MIGA1: variants seen among roughly 807,000 people sequenced by gnomAD.
The protein encoded by MIGA1 is mitoguardin 1.
In MIGA1, 58 loss-of-function variants were observed where a neutral mutation model predicts 82.0. That is an observed-to-expected ratio of 0.71 (90% CI 0.57 to 0.88). The LOEUF (loss-of-function observed/expected upper bound fraction) is 0.88, where lower values mean the gene tolerates loss of function less well. Among genes scored for constraint, MIGA1 ranks in the 40% least tolerant of loss-of-function variants. The probability of loss-of-function intolerance (pLI) is 0.00; values close to 1 mark genes in which losing one functional copy is unlikely to be tolerated. For synonymous variants in MIGA1, 249 were observed against 253.6 expected, an observed-to-expected ratio of 0.98 and a Z score of 0.17; for missense variants, 751 against 749.1, an observed-to-expected ratio of 1.00 and a Z score of -0.03.
intron 8 of MIGA1, chr1:77,853,241 GC>G (rs1346434836): frequency 1.3e-5 from 2 of 152,172 alleles, no homozygotes; most frequent in Admixed American, 1.3e-4. Context: ...AAGTAAAATG[GC>G]TGAATCTCCA....
At chr1:77,806,705 G>A in intron 4 of MIGA1, among the ~76,000 whole-genome samples, 1 of 152,130 alleles carries the variant, frequency 6.6e-6, no homozygotes, top group East Asian at 1.9e-4. Flanking sequence ...AAGAATAAAT[G>A]ATATAAACAT....
intron 7 of MIGA1, among the ~76,000 whole-genome samples, chr1:77,832,024 T>C (rs891831157): frequency 2.0e-5 from 3 of 152,240 alleles, no homozygotes; most frequent in African/African-American, 7.2e-5. Flanking sequence ...TTGGGCTTCA[T>C]ATTTTGTGTA....
intron 8 of MIGA1, among the ~76,000 whole-genome samples, chr1:77,846,412 A>G (rs987627050): frequency 6.6e-6 from 1 of 152,068 alleles, no homozygotes; most frequent in African/African-American, 2.4e-5. Context: ...TGTAGATTCC[A>G]TTTTTTATAG....
intron 7 of MIGA1, among the ~76,000 whole-genome samples, chr1:77,828,231 A>C (rs1684105068): frequency 6.6e-6 from 1 of 152,170 alleles, no homozygotes; most frequent in Non-Finnish European, 1.5e-5. Context: ...CAGTGTCTGA[A>C]ACTGGTTTGA....
intron 15 of MIGA1, among the ~76,000 whole-genome samples, chr1:77,873,618 A>C (rs1646867854): frequency 6.6e-6 from 1 of 152,246 alleles, no homozygotes; most frequent in Non-Finnish European, 1.5e-5. Context: ...CAGCAGTTTT[A>C]GTTTGCCAAA....
rs2101999244 is a variant in MIGA1, at chr1:77,878,736, G to A, written c.*3672G>A. 2 of 382,874 alleles carry A rather than the reference G, an allele frequency of 5.2e-6. No individual in the cohort carries two copies. The highest frequency in any genetic ancestry group is 2.6e-4 in the South Asian group (2 of 7,654). The allele number at this position is 382,874 out of a possible 1,614,324, so 23.7% of individuals were successfully genotyped here. A position where few individuals can be genotyped will look rare whatever the true frequency, so the allele number is the denominator to read the frequency against. ...TCCCTACATTTTTGTTCAACTAAGA[G>A]TGCTTATTTCTTCTTGAAGGTTAAC... On this transcript the variant is annotated 3_prime_UTR_variant, in exon 16 of 16. Transcript: ENST00000370791.
chr1:77,799,074 AT>A (rs943277255), intron 2 of MIGA1, among the ~76,000 whole-genome samples: 17 of 152,208 alleles, frequency 1.1e-4, no homozygotes, highest in Middle Eastern at 6.8e-3. Context: ...TTATTTATAT[AT>A]TTTTTAATAT....
At chr1:77,782,422 G>T (rs1681961883) in intron 1 of MIGA1, among the ~76,000 whole-genome samples, 1 of 152,056 alleles carries the variant, frequency 6.6e-6, no homozygotes, top group Non-Finnish European at 1.5e-5. Context: ...TGTTTTGATA[G>T]AATATGTACA....
intron 8 of MIGA1, among the ~76,000 whole-genome samples, chr1:77,844,408 G>A (rs887187235): frequency 6.6e-5 from 10 of 151,794 alleles, no homozygotes; most frequent in African/African-American, 9.7e-5. Context: ...ACAAACGTGC[G>A]TGATATATAA....
intron 2 of MIGA1, among the ~76,000 whole-genome samples, chr1:77,789,899 A>T (rs1392945345): frequency 6.6e-6 from 1 of 152,200 alleles, no homozygotes; most frequent in African/African-American, 2.4e-5. Context: ...TACAGTGAAT[A>T]GTTGTGAGAA....
chr1:77,794,778 G>C (rs1424415788), intron 2 of MIGA1, among the ~76,000 whole-genome samples: 1 of 152,136 alleles, frequency 6.6e-6, no homozygotes, highest in Non-Finnish European at 1.5e-5. Flanking sequence ...GCTAGCCTGG[G>C]CAACAGAGCG....
chr1:77,807,714 T>A (rs1183911863), intron 5 of MIGA1, among the ~76,000 whole-genome samples: 1 of 152,200 alleles, frequency 6.6e-6, no homozygotes, highest in East Asian at 1.9e-4. Flanking sequence ...CTCTTCCAGC[T>A]TTTGGTGGCT....
chr1:77,789,201 CTTTT>C (rs148055304), intron 2 of MIGA1, among the ~76,000 whole-genome samples: 1 of 108,858 alleles, frequency 9.2e-6, no homozygotes, highest in African/African-American at 3.5e-5. Context: ...GGGGCGGTTG[CTTTT>C]TTTTTTTTTT....
rs147877859 is a variant in MIGA1, at chr1:77,808,099, C to T, written c.637+998C>T. ...TCTCCTAAAGTGCTGGGATTACAGG[C>T]GTGAGCCACCTCACCCAGCCACCTT... is the stretch of plus-strand genomic sequence containing the variant. On this transcript the variant is annotated intron_variant, in intron 5 of 15. Coordinates refer to ENST00000370791, the MANE Select transcript of MIGA1 (RefSeq NM_198549.4). Among the ~76,000 whole-genome samples, 278 of 150,650 alleles carry T rather than the reference C, an allele frequency of 1.8e-3. 3 individuals carry two copies. Among genetic ancestry groups the T allele is most frequent in the African/African-American group, 6.4e-3 (261 of 41,100 alleles).
At chr1:77,830,200 A>G (rs979590829) in intron 7 of MIGA1, among the ~76,000 whole-genome samples, 7 of 152,020 alleles carry the variant, frequency 4.6e-5, no homozygotes, top group African/African-American at 1.5e-4. Flanking sequence ...GCAAATTTAC[A>G]TTTTCATAAT....
At chr1:77,861,370 G>A in intron 12 of MIGA1, 48 bp downstream of exon 12, 1 of 1,234,282 alleles carries the variant, frequency 8.1e-7, no homozygotes, top group Non-Finnish European at 1.2e-6. Context: ...TTATTTGCAT[G>A]TAATTTTATA....
chr1:77,805,461 CT>C (rs11408292), intron 4 of MIGA1, among the ~76,000 whole-genome samples: 41 of 110,370 alleles, frequency 3.7e-4, no homozygotes, highest in African/African-American at 1.2e-3. Context: ...TATGCCTATT[CT>C]TTTTTTTTTT....
chr1:77,799,340 A>G (rs1570932359), intron 2 of MIGA1, among the ~76,000 whole-genome samples: 1 of 152,302 alleles, frequency 6.6e-6, no homozygotes, highest in East Asian at 1.9e-4. Flanking sequence ...ATTTTGCCCA[A>G]ATGTAGACTA....
chr1:77,795,318 T>C (rs1682607117), intron 2 of MIGA1, among the ~76,000 whole-genome samples: 1 of 151,856 alleles, frequency 6.6e-6, no homozygotes, highest in East Asian at 1.9e-4. Context: ...TCATTACTTC[T>C]ACATTTATTA....
Sources: allele counts gnomAD v4.1 joint callset (sites outside exome capture counted in the v4.1 genomes callset), GRCh38; gene constraint gnomAD v4.1.1; transcripts MANE v1.5; gene names NCBI Gene and HGNC (gene_info 2026-07-23, HGNC 2026-07-21).